Variants in RMST observed in about 807,000 individuals in gnomAD.
RMST encodes the protein long intergenic non-protein coding RNA 54.
At chr12:97,500,417 G>A (rs1877956531) in intron 10 of RMST, among the ~76,000 whole-genome samples, 1 of 152,132 alleles carries the variant, frequency 6.6e-6, no homozygotes, top group Non-Finnish European at 1.5e-5. Flanking sequence ...AATGAGGGAT[G>A]ATATAAGTTA....
rs115973920 is a variant in RMST at position 97,495,277 on chromosome 12, G to A, written n.1214+396G>A. Among the ~76,000 whole-genome samples, 522 of 152,038 alleles carry A rather than the reference G, an allele frequency of 3.4e-3. 4 individuals are homozygous for A. The highest frequency in any genetic ancestry group is 0.012 in the African/African-American group (493 of 41,480). ...AAATGTGCACAAACCAAAGACAATG[G>A]CATATATACTTTGACACATTCTGAA... is the stretch of plus-strand genomic sequence containing the variant. On this transcript the variant is annotated intron_variant and non_coding_transcript_variant, in intron 9 of 13. Coordinates refer to ENST00000640149, the Ensembl canonical transcript of RMST.
intron 10 of RMST, among the ~76,000 whole-genome samples, chr12:97,514,476 A>G (rs1184842292): frequency 6.6e-6 from 1 of 152,192 alleles, no homozygotes; most frequent in East Asian, 1.9e-4. Flanking sequence ...ATTTTTAGCC[A>G]GGATTGAAAA....
chr12:97,471,712 G>GGTGCCC (rs1306785588), intron 5 of RMST, among the ~76,000 whole-genome samples: 1 of 152,070 alleles, frequency 6.6e-6, no homozygotes, highest in African/African-American at 2.4e-5. Flanking sequence ...CTGCCACCTG[G>GGTGCCC]GTGCACAATG....
exon 4 of RMST, chr12:97,463,255 A>T (rs1285309758): frequency 6.6e-6 from 1 of 152,292 alleles, no homozygotes; most frequent in Non-Finnish European, 1.5e-5. Flanking sequence ...CGGAGGTGAC[A>T]ACAATAACAA....
chr12:97,532,658 T>TTG (rs1555233294), intron 11 of RMST: 1 of 150,022 alleles, frequency 6.7e-6, no homozygotes, highest in East Asian at 2.0e-4. Flanking sequence ...TTTTTTTTTT[T>TTG]TTTTTTTTTT....
At chr12:97,498,020 A>G (rs1877648458) in intron 10 of RMST, among the ~76,000 whole-genome samples, 1 of 152,202 alleles carries the variant, frequency 6.6e-6, no homozygotes, top group Non-Finnish European at 1.5e-5. Context: ...TACTGAGCAG[A>G]CTAGTCCAAA....
exon 14 of RMST, chr12:97,564,820 C>T (rs965514223): frequency 1.3e-5 from 2 of 152,118 alleles, no homozygotes; most frequent in African/African-American, 4.8e-5. Flanking sequence ...AGTTGCACCT[C>T]CTTTCCGTAT....
chr12:97,560,759 G>T (rs2136673657), intron 12 of RMST: 1 of 152,244 alleles, frequency 6.6e-6, no homozygotes, highest in East Asian at 1.9e-4. Context: ...TTTATATAAA[G>T]ATATCTATAA....
At chr12:97,539,935 T>G (rs1882371747) in intron 11 of RMST, among the ~76,000 whole-genome samples, 1 of 151,682 alleles carries the variant, frequency 6.6e-6, no homozygotes, top group Non-Finnish European at 1.5e-5. Context: ...GAATCTTGTC[T>G]TTGAACTCTA....
chr12:97,538,089 GGTTA>G (rs1268055351), intron 11 of RMST, among the ~76,000 whole-genome samples: 9 of 151,256 alleles, frequency 6.0e-5, no homozygotes, highest in African/African-American at 9.7e-5. Flanking sequence ...ATAATAGAAA[GGTTA>G]GTTAAACAGG....
At chr12:97,501,148 C>G (rs1401188511) in intron 10 of RMST, among the ~76,000 whole-genome samples, 1 of 152,158 alleles carries the variant, frequency 6.6e-6, no homozygotes, top group Admixed American at 6.5e-5. Context: ...GAAGATAAGG[C>G]AGTTTTCTTA....
chr12:97,469,720 C>G (rs192363020), intron 5 of RMST, among the ~76,000 whole-genome samples: 1 of 151,976 alleles, frequency 6.6e-6, no homozygotes, highest in African/African-American at 2.4e-5. Context: ...TCTGTAATGT[C>G]CTAGGCTTGT....
chr12:97,469,646 CT>C (rs80282926), intron 5 of RMST, among the ~76,000 whole-genome samples: 16,447 of 152,008 alleles, frequency 0.11, 1,080 homozygotes, highest in East Asian at 0.16. Flanking sequence ...GCTGAGATGA[CT>C]TAAAATCTAG....
intron 9 of RMST, among the ~76,000 whole-genome samples, chr12:97,495,618 C>T (rs1877326429): frequency 6.6e-6 from 1 of 152,140 alleles, no homozygotes; most frequent in African/African-American, 2.4e-5. Flanking sequence ...TATATATTAT[C>T]CATGTCTGAG....
At chr12:97,501,716 G>A (rs1283469691) in intron 10 of RMST, among the ~76,000 whole-genome samples, 1 of 152,132 alleles carries the variant, frequency 6.6e-6, no homozygotes, top group African/African-American at 2.4e-5. Flanking sequence ...TCTTAGAATG[G>A]CCATGAAAAA....
intron 11 of RMST, among the ~76,000 whole-genome samples, chr12:97,535,091 GAC>G (rs1176031586): frequency 6.6e-6 from 1 of 151,590 alleles, no homozygotes; most frequent in Non-Finnish European, 1.5e-5. Context: ...CTCTTTAACA[GAC>G]AATAATTCTA....
intron 5 of RMST, among the ~76,000 whole-genome samples, chr12:97,468,372 CG>C (rs1436715106): frequency 2.6e-5 from 4 of 152,008 alleles, no homozygotes; most frequent in Non-Finnish European, 5.9e-5. Context: ...AGACTCGTTA[CG>C]TCCCTGAATC....
At chr12:97,549,947 G>A (rs554002847) in intron 11 of RMST, among the ~76,000 whole-genome samples, 12 of 152,190 alleles carry the variant, frequency 7.9e-5, no homozygotes, top group East Asian at 5.8e-4. Context: ...TATAGAATTC[G>A]GTATTTTGTA....
intron 10 of RMST, among the ~76,000 whole-genome samples, chr12:97,511,112 G>C (rs1229853416): frequency 6.6e-6 from 1 of 151,626 alleles, no homozygotes; most frequent in Non-Finnish European, 1.5e-5. Context: ...TGTTTAGTGG[G>C]CAATTATAAT....
Sources: allele counts gnomAD v4.1 joint callset (sites outside exome capture counted in the v4.1 genomes callset), GRCh38; gene constraint gnomAD v4.1.1; transcripts MANE v1.5; gene names NCBI Gene and HGNC (gene_info 2026-07-23, HGNC 2026-07-21).